ANO3: variants seen among roughly 807,000 people sequenced by gnomAD.
The protein encoded by ANO3 is anoctamin 3.
ANO3 carries 99 observed loss-of-function variants against 144.8 expected under a neutral mutation model. The observed-to-expected ratio is 0.68, with a 90% CI of 0.58 to 0.81. ANO3 has a LOEUF of 0.81. Among genes scored for constraint, ANO3 ranks in the 30% least tolerant of loss-of-function variants. ANO3 has a pLI of 0.00. For missense variants in ANO3, 905 were observed against 1,202.2 expected (o/e 0.75, Z 3.66); for synonymous variants, 414 against 392.6 (o/e 1.05, Z -0.64).
chr11:26,356,616 C>G (rs532944244), intron 1 of ANO3, among the ~76,000 whole-genome samples: 2 of 152,166 alleles, frequency 1.3e-5, no homozygotes, highest in South Asian at 4.2e-4. Context: ...ATTGTGTATT[C>G]AATTTCTTTT....
intron 1 of ANO3, among the ~76,000 whole-genome samples, chr11:26,209,916 A>G (rs1216052053): frequency 6.6e-6 from 1 of 150,924 alleles, no homozygotes; most frequent in Non-Finnish European, 1.5e-5. Flanking sequence ...GACTGCAAAC[A>G]TTTGCTCCCA....
intron 18 of ANO3, among the ~76,000 whole-genome samples, chr11:26,631,708 A>G (rs989865146): frequency 2.6e-5 from 4 of 152,204 alleles, no homozygotes; most frequent in Non-Finnish European, 1.5e-5. Context: ...ATCAAATGTC[A>G]TCAGGTTAAT....
At chr11:26,564,388 A>G (rs1487081361) in intron 14 of ANO3, among the ~76,000 whole-genome samples, 2 of 151,572 alleles carry the variant, frequency 1.3e-5, no homozygotes, top group East Asian at 1.9e-4. Context: ...ATAATCCTTA[A>G]GTAAACCACA....
chr11:26,634,987 T>C (rs1285136867), intron 19 of ANO3, 26 bp from the exon 20 acceptor site: 5 of 1,599,538 alleles, frequency 3.1e-6, no homozygotes, highest in Non-Finnish European at 4.3e-6. Flanking sequence ...ACTTAAATGC[T>C]AATGAACTAA....
intron 17 of ANO3, among the ~76,000 whole-genome samples, chr11:26,600,087 T>C (rs999053867): frequency 4.6e-5 from 7 of 152,148 alleles, no homozygotes; most frequent in Admixed American, 2.0e-4. Context: ...GAAAACTTGT[T>C]GGAAAGATAT....
chr11:26,606,804 T>C (rs752480805), intron 17 of ANO3, among the ~76,000 whole-genome samples: 1 of 152,226 alleles, frequency 6.6e-6, no homozygotes, highest in Non-Finnish European at 1.5e-5. Flanking sequence ...AGTTTGATCC[T>C]GTCATCCTGA....
At position 26,501,666 on chromosome 11, in the gene ANO3, C is replaced by A. The variant is rs545171519; in HGVS notation, c.433-6438C>A. On this transcript the variant is annotated intron_variant, in intron 4 of 26. Transcript: ENST00000256737. ...AAATTGGATCAGGGCCTTTACCCAA[C>A]AAGCTCCACATCAGGTCAAGATCGG... 1.1e-4 allele frequency among the ~76,000 whole-genome samples: 17 copies of A among 152,308 alleles called. No individual in the cohort carries two copies. In the South Asian group the frequency reaches 3.3e-3, roughly 30 times the overall value.
At chr11:26,365,591 G>A (rs1356124719) in intron 1 of ANO3, among the ~76,000 whole-genome samples, 1 of 152,202 alleles carries the variant, frequency 6.6e-6, no homozygotes, top group Non-Finnish European at 1.5e-5. Context: ...CATGCCTACA[G>A]ACTTAAAACC....
intron 14 of ANO3, chr11:26,572,138 A>C (rs941427854): frequency 1.0e-6 from 1 of 985,282 alleles, no homozygotes; most frequent in Admixed American, 6.2e-5. Flanking sequence ...AGATGGGTTA[A>C]GTGTGACAAT....
At chr11:26,598,834 A>T (rs1237920470) in intron 15 of ANO3, 24 bp from the exon 16 acceptor site, 1 of 1,603,604 alleles carries the variant, frequency 6.2e-7, no homozygotes, top group South Asian at 1.1e-5. Flanking sequence ...TTTGATATTT[A>T]GATAACTTTC....
chr11:26,450,082 T>G (rs1368755199), intron 3 of ANO3, among the ~76,000 whole-genome samples: 1 of 152,168 alleles, frequency 6.6e-6, no homozygotes, highest in Admixed American at 6.5e-5. Context: ...AACATCAATC[T>G]TACTGAAGTC....
intron 18 of ANO3, among the ~76,000 whole-genome samples, chr11:26,628,407 C>T (rs960417456): frequency 8.6e-5 from 13 of 152,022 alleles, no homozygotes; most frequent in Non-Finnish European, 1.8e-4. Flanking sequence ...ACTTTTCATC[C>T]GTAATTAGCT....
At chr11:26,618,398 T>A (rs1852320573) in intron 17 of ANO3, among the ~76,000 whole-genome samples, 1 of 152,164 alleles carries the variant, frequency 6.6e-6, no homozygotes, top group South Asian at 2.1e-4. Flanking sequence ...TTGCTTCTCC[T>A]TCCTTAGTTC....
chr11:26,461,737 T>C (rs1859403183), intron 3 of ANO3, among the ~76,000 whole-genome samples: 1 of 152,096 alleles, frequency 6.6e-6, no homozygotes, highest in African/African-American at 2.4e-5. Flanking sequence ...CAGTTTTAGA[T>C]GTACCTCTTA....
chr11:26,532,032 T>G (rs1168171581), intron 8 of ANO3, among the ~76,000 whole-genome samples: 2 of 152,198 alleles, frequency 1.3e-5, no homozygotes, highest in Non-Finnish European at 2.9e-5. Flanking sequence ...AAAGGCGTGA[T>G]GTATTGAAGG....
chr11:26,539,340 T>C (rs1021197059), intron 10 of ANO3, among the ~76,000 whole-genome samples: 1 of 152,130 alleles, frequency 6.6e-6, no homozygotes, highest in Non-Finnish European at 1.5e-5. Context: ...TGAGCAAGAA[T>C]AATCACTTCG....
chr11:26,406,831 A>G (rs940525787), intron 1 of ANO3, among the ~76,000 whole-genome samples: 5 of 150,582 alleles, frequency 3.3e-5, no homozygotes. Flanking sequence ...GTTTGTGATG[A>G]TTGTTTATAT....
At chr11:26,228,801 C>T (rs528799463) in intron 1 of ANO3, among the ~76,000 whole-genome samples, 5 of 152,256 alleles carry the variant, frequency 3.3e-5, no homozygotes, top group Admixed American at 2.6e-4. Flanking sequence ...CTGAGGCAAT[C>T]CTAGAAAGAT....
At position 26,243,339 on chromosome 11, in the gene ANO3, C is replaced by CTTTTT. The variant is rs1030346024; in HGVS notation, c.154+54015_154+54019dup. ...TTCTCTTAAAAGAATAAAGTAAAGG[C>CTTTTT]TTTTTTTTTTCACAGGACTTCCCAG... On this transcript the variant is annotated intron_variant, in intron 1 of 27. Coordinates refer to the ANO3 transcript ENST00000672621. Among the ~76,000 whole-genome samples, 5 of 147,472 alleles carry CTTTTT rather than the reference C, an allele frequency of 3.4e-5. No homozygotes were observed. In the Admixed American group the frequency reaches 3.4e-4, roughly 10 times the overall value.
Sources: allele counts gnomAD v4.1 joint callset (sites outside exome capture counted in the v4.1 genomes callset), GRCh38; gene constraint gnomAD v4.1.1; transcripts MANE v1.5; gene names NCBI Gene and HGNC (gene_info 2026-07-23, HGNC 2026-07-21).